The following ADARB2 variants were observed in gnomAD, a reference collection of about 807,000 sequenced individuals.
The protein encoded by ADARB2 is adenosine deaminase RNA specific B2 (inactive), also known as inactive double-stranded RNA-specific editase B2.
In ADARB2, 25 loss-of-function variants were observed where a neutral mutation model predicts 62.2. The observed-to-expected ratio is 0.40, with a 90% CI of 0.29 to 0.56. ADARB2 has a LOEUF of 0.56. Ranked by LOEUF, ADARB2 falls within the 20% of genes least tolerant of loss-of-function variation. ADARB2 has a pLI of 0.43. For synonymous variants in ADARB2, 572 were observed against 500.8 expected (o/e 1.14, Z -1.90); for missense variants, 1,071 against 1,077.4 (o/e 0.99, Z 0.08).
At chr10:1,628,516 C>T (rs1833801022) in intron 1 of ADARB2, among the ~76,000 whole-genome samples, 1 of 152,202 alleles carries the variant, frequency 6.6e-6, no homozygotes, top group Non-Finnish European at 1.5e-5. Flanking sequence ...ATAGTTTAAT[C>T]ACGGCCTTTT....
chr10:1,402,027 G>A (rs886692588), intron 1 of ADARB2, among the ~76,000 whole-genome samples: 1 of 152,166 alleles, frequency 6.6e-6, no homozygotes, highest in Non-Finnish European at 1.5e-5. Context: ...CATGACCTTG[G>A]AACTCGATTT....
chr10:1,284,738 C>G (rs1001992383), intron 3 of ADARB2, among the ~76,000 whole-genome samples: 4 of 152,176 alleles, frequency 2.6e-5, no homozygotes, highest in African/African-American at 4.8e-5. Flanking sequence ...ACCTGATGCT[C>G]TTTTGAGGTG....
intron 3 of ADARB2, among the ~76,000 whole-genome samples, chr10:1,338,366 T>C (rs1306197764): frequency 6.6e-6 from 1 of 152,224 alleles, no homozygotes; most frequent in East Asian, 1.9e-4. Flanking sequence ...AATAACTACA[T>C]TGCAGATAAA....
chr10:1,506,308 C>T (rs183991111), intron 1 of ADARB2, among the ~76,000 whole-genome samples: 1 of 152,180 alleles, frequency 6.6e-6, no homozygotes, highest in Non-Finnish European at 1.5e-5. Context: ...AAATTCTGCC[C>T]ATAATATTTA....
chr10:1,244,598 C>T (rs1329857954), intron 4 of ADARB2, among the ~76,000 whole-genome samples: 1 of 152,156 alleles, frequency 6.6e-6, no homozygotes, highest in Admixed American at 6.5e-5. Context: ...ATGATTCTCA[C>T]CCCCACCGCC....
intron 1 of ADARB2, among the ~76,000 whole-genome samples, chr10:1,492,881 G>T (rs1831640738): frequency 6.6e-6 from 1 of 152,102 alleles, no homozygotes; most frequent in Non-Finnish European, 1.5e-5. Flanking sequence ...TGAGAGGCCT[G>T]GGAGAGCTTT....
intron 4 of ADARB2, among the ~76,000 whole-genome samples, chr10:1,248,296 G>T (rs1831005775): frequency 6.6e-6 from 1 of 150,784 alleles, no homozygotes; most frequent in African/African-American, 2.4e-5. Flanking sequence ...GTCTCCAGCT[G>T]ACCAAACAGG....
At chr10:1,253,888 G>A (rs1831057027) in intron 4 of ADARB2, among the ~76,000 whole-genome samples, 1 of 152,160 alleles carries the variant, frequency 6.6e-6, no homozygotes. Context: ...CTGTGGTTAG[G>A]ATGCGGTGGG....
chr10:1,472,432 T>G, intron 1 of ADARB2, among the ~76,000 whole-genome samples: 1 of 146,566 alleles, frequency 6.8e-6, no homozygotes, highest in African/African-American at 2.6e-5. Flanking sequence ...TAGGGGCGAG[T>G]GCCATGCGGC....
At chr10:1,556,834 T>G (rs1301490943) in intron 1 of ADARB2, 1 of 534,382 alleles carries the variant, frequency 1.9e-6, no homozygotes. Context: ...CTTGCTCTGC[T>G]GCAGATTTTC....
At position 1,184,090 on chromosome 10, in the gene ADARB2, G is replaced by A. The variant is rs554285581; in HGVS notation, c.2044-721C>T. ...AGAGCTGCAGGATGCTGGGCGTCTC[G>A]GCCAAGCTCAGAGCTAATATGTGCA... On this transcript the variant is annotated intron_variant, in intron 9 of 9. Transcript: ENST00000381312. Among the ~76,000 whole-genome samples, 4 of 152,298 alleles carry A rather than the reference G, an allele frequency of 2.6e-5. No individual in the cohort carries two copies. The South Asian group carries it at 6.2e-4, about 24-fold the overall frequency.
intron 6 of ADARB2, among the ~76,000 whole-genome samples, chr10:1,228,131 G>A (rs1248211478): frequency 6.6e-6 from 1 of 152,288 alleles, no homozygotes; most frequent in African/African-American, 2.4e-5. Context: ...CTTTCTAGTC[G>A]TTGAATGGAA....
chr10:1,514,178 A>AATATATATATATATAT (rs61671460), intron 1 of ADARB2, among the ~76,000 whole-genome samples: 7,326 of 93,950 alleles, frequency 0.078, 1,054 homozygotes, highest in Middle Eastern at 0.14. Context: ...GCTGTCTCAA[A>AATATATATATATATAT]ATATATATAT....
chr10:1,478,801 C>G (rs1305057634), intron 1 of ADARB2, among the ~76,000 whole-genome samples: 1 of 150,432 alleles, frequency 6.6e-6, no homozygotes, highest in African/African-American at 2.5e-5. Flanking sequence ...CGGGAGAGCA[C>G]CAAAATAAGG....
chr10:1,585,636 G>A (rs1833165558), intron 1 of ADARB2, among the ~76,000 whole-genome samples: 1 of 152,178 alleles, frequency 6.6e-6, no homozygotes, highest in Admixed American at 6.5e-5. Context: ...CCTATGACCT[G>A]GAAGCCCCTG....
intron 1 of ADARB2, among the ~76,000 whole-genome samples, chr10:1,399,627 T>C (rs750892671): frequency 3.5e-4 from 53 of 151,844 alleles, no homozygotes; most frequent in Non-Finnish European, 6.6e-4. Context: ...TCTGTGGGGG[T>C]CGTCCTGCTG....
intron 3 of ADARB2, among the ~76,000 whole-genome samples, chr10:1,322,163 G>C (rs1451128829): frequency 1.3e-5 from 2 of 152,224 alleles, no homozygotes; most frequent in Non-Finnish European, 2.9e-5. Context: ...AGCCCTTGAA[G>C]CTTGGTGAGA....
intron 1 of ADARB2, among the ~76,000 whole-genome samples, chr10:1,568,393 C>T (rs1293977793): frequency 6.6e-6 from 1 of 152,242 alleles, no homozygotes; most frequent in East Asian, 1.9e-4. Context: ...CACGGTCCAG[C>T]TGCGGGGCCG....
intron 1 of ADARB2, among the ~76,000 whole-genome samples, chr10:1,450,261 T>G (rs1831020216): frequency 6.6e-6 from 1 of 152,290 alleles, no homozygotes; most frequent in Non-Finnish European, 1.5e-5. Context: ...TCTTATTTTA[T>G]GCAATTATAG....
Sources: allele counts gnomAD v4.1 joint callset (sites outside exome capture counted in the v4.1 genomes callset), GRCh38; gene constraint gnomAD v4.1.1; transcripts MANE v1.5; gene names NCBI Gene and HGNC (gene_info 2026-07-23, HGNC 2026-07-21).